The following DDX19A variants were observed in gnomAD, a reference collection of about 807,000 sequenced individuals.
DDX19A encodes ATP-dependent RNA helicase DDX19A.
DDX19A carries 12 observed loss-of-function variants against 60.6 expected under a neutral mutation model. The observed-to-expected ratio is 0.20, with a 90% CI of 0.13 to 0.32. The LOEUF is 0.32. DDX19A is among the 10% of genes least tolerant of loss of function. The pLI is 1.00. For missense variants in DDX19A, 337 were observed against 600.6 expected (o/e 0.56, Z 4.59); for synonymous variants, 206 against 218.2 (o/e 0.94, Z 0.49).
chr16:70,371,211 G>A lies in DDX19A; in HGVS notation c.1184-161G>A. The A allele has an allele frequency of 2.4e-6, 3 of 1,257,378 alleles. No homozygotes were observed. In the African/African-American group the frequency reaches 4.5e-5, roughly 19 times the overall value. The allele number at this position is 1,257,378 out of a possible 1,614,324, so 77.9% of individuals were successfully genotyped here. On this transcript the variant is annotated intron_variant, in intron 10 of 11. Coordinates refer to ENST00000302243, the MANE Select transcript of DDX19A (RefSeq NM_018332.5). ...GTTCTCTTCTTTTCCTCTGGGTTCT[G>A]TTGCCTGCCTATATGTGTGCCCTCT...
At chr16:70,365,166 G>T in intron 7 of DDX19A, 35 bp downstream of exon 7, 1 of 1,451,412 alleles carries the variant, frequency 6.9e-7, no homozygotes, top group Non-Finnish European at 9.7e-7. Context: ...ACAGTGAGCA[G>T]GGTAGGGGGT....
chr16:70,357,606 G>A (rs1383373467), intron 4 of DDX19A, among the ~76,000 whole-genome samples: 2 of 151,432 alleles, frequency 1.3e-5, no homozygotes, highest in South Asian at 2.1e-4. Flanking sequence ...GGCTGGTCTC[G>A]AATTCCTGAT....
intron 5 of DDX19A, chr16:70,364,223 C>T (rs1964453908): frequency 9.0e-6 from 2 of 222,744 alleles, no homozygotes; most frequent in Admixed American, 1.1e-4. Context: ...GGGGTCTTGT[C>T]TGGGCACAGA....
intron 1 of DDX19A, 125 bp from the exon 2 acceptor site, chr16:70,350,432 C>T (rs1963975952): frequency 5.1e-6 from 3 of 584,732 alleles, no homozygotes; most frequent in South Asian, 4.8e-5. Flanking sequence ...GGGAACAAAC[C>T]GACTCCCTGA....
intron 7 of DDX19A, 48 bp downstream of exon 7, chr16:70,365,179 G>A (rs754741041): frequency 2.2e-6 from 3 of 1,367,492 alleles, no homozygotes; most frequent in Middle Eastern, 1.8e-4. Flanking sequence ...TAGGGGGTTG[G>A]GCGTTTGAAT....
At position 70,346,980 on chromosome 16, in the gene DDX19A, T is replaced by C; in HGVS notation, c.-12T>C. 6.2e-7 allele frequency: 1 copy of C among 1,611,504 alleles called. No individual in the cohort carries two copies. The highest frequency in any genetic ancestry group is 8.5e-7 in the Non-Finnish European group (1 of 1,179,372). On this transcript the variant is annotated 5_prime_UTR_variant, in exon 1 of 12. Coordinates refer to ENST00000302243, the MANE Select transcript of DDX19A (RefSeq NM_018332.5). ...GCATATTTTCACAAGTGGGTCTCCCTTGTCCGGGACTATGGCCACCGACTC... is the reference window on the plus strand; with the variant it reads ...GCATATTTTCACAAGTGGGTCTCCCCTGTCCGGGACTATGGCCACCGACTC...
chr16:70,362,574 C>G (rs1964398532), intron 5 of DDX19A, among the ~76,000 whole-genome samples: 1 of 152,052 alleles, frequency 6.6e-6, no homozygotes, highest in South Asian at 2.1e-4. Context: ...TTCTCCCACC[C>G]TGACAAGACT....
intron 5 of DDX19A, chr16:70,364,323 T>C: frequency 2.0e-6 from 1 of 512,046 alleles, no homozygotes; most frequent in Non-Finnish European, 3.5e-6. Context: ...GAGAATTTCT[T>C]GGTGTGAGCC....
chr16:70,350,352 C>T (rs1963973844), intron 1 of DDX19A, among the ~76,000 whole-genome samples: 1 of 152,142 alleles, frequency 6.6e-6, no homozygotes, highest in Admixed American at 6.6e-5. Context: ...CCACCCCTCC[C>T]CTTGTTTTAA....
At chr16:70,358,341 A>G (rs1005249156) in intron 4 of DDX19A, among the ~76,000 whole-genome samples, 1 of 151,878 alleles carries the variant, frequency 6.6e-6, no homozygotes, top group Non-Finnish European at 1.5e-5. Context: ...TTATTTTTTT[A>G]TTTTTAAAAA....
rs71151183 is a variant in DDX19A, at chr16:70,357,366, GTTTTTTTTTTTTTTT to G, written c.293+1141_293+1155del. On this transcript the variant is annotated intron_variant, in intron 4 of 11. Transcript: ENST00000302243. ...AATCTGTCAAATCTGTTTTTGGTTT[GTTTTTTTTTTTTTTT>G]TTTTTTTTTTTTTTTTTTTTTGAGA... Among the ~76,000 whole-genome samples the G allele has an allele frequency of 5.2e-4, 23 of 44,576 alleles. No homozygotes were observed. The South Asian group carries it at 5.9e-3, about 11-fold the overall frequency. 29.2% of individuals were successfully genotyped at this position (44,576 alleles called of 152,430 possible). A position where few individuals can be genotyped will look rare whatever the true frequency, so the allele number is the denominator to read the frequency against.
chr16:70,358,215 G>C (rs139631108), intron 4 of DDX19A, among the ~76,000 whole-genome samples: 10,679 of 151,976 alleles, frequency 0.07, 1,243 homozygotes, highest in African/African-American at 0.24. Flanking sequence ...ATTTTTAGTA[G>C]AGACAGCGTT....
chr16:70,362,929 G>A (rs572516590), intron 5 of DDX19A, among the ~76,000 whole-genome samples: 10 of 150,492 alleles, frequency 6.6e-5, no homozygotes, highest in Non-Finnish European at 1.3e-4. Flanking sequence ...TGGGAGGATC[G>A]CTTGAACCCA....
intron 1 of DDX19A, chr16:70,348,124 C>A: frequency 3.7e-6 from 1 of 267,662 alleles, no homozygotes; most frequent in South Asian, 2.9e-5. Context: ...CTGATAGCCC[C>A]GAGATAGAGG....
intron 5 of DDX19A, 183 bp from the exon 6 acceptor site, chr16:70,364,360 A>G (rs1964456828): frequency 1.4e-5 from 8 of 585,466 alleles, no homozygotes; most frequent in South Asian, 6.4e-5. Flanking sequence ...TTATTTTACA[A>G]TTTAAGCAGC....
At position 70,366,141 on chromosome 16, in the gene DDX19A, C is replaced by T; in HGVS notation, c.661C>T (p.Leu221=). 1 of 1,614,158 alleles carries T rather than the reference C, an allele frequency of 6.2e-7. No homozygotes were observed. Among genetic ancestry groups the T allele is most frequent in the Non-Finnish European group, 8.5e-7 (1 of 1,180,026 alleles). The change falls in exon 8 of 12, where the codon CTG becomes TTG. Residue 221 remains leucine (L), a synonymous_variant. Coordinates refer to ENST00000302243, the MANE Select transcript of DDX19A (RefSeq NM_018332.5). ...TGTCATTGGCACCCCTGGGACCGTG[C>T]TGGACTGGTGCTCCAAGCTCAAGTT... ...QIVIGTPGTV[L]DWCSKLKFID...
chr16:70,354,683 CA>C (rs35921329), intron 2 of DDX19A, among the ~76,000 whole-genome samples: 44,406 of 152,084 alleles, frequency 0.29, 8,008 homozygotes, highest in Non-Finnish European at 0.39. Flanking sequence ...TAGTTCATGC[CA>C]GTAATCCTAG....
At chr16:70,369,974 C>T (rs910346663) in intron 9 of DDX19A, among the ~76,000 whole-genome samples, 1 of 152,020 alleles carries the variant, frequency 6.6e-6, no homozygotes, top group African/African-American at 2.4e-5. Flanking sequence ...TGCACTATAT[C>T]GGGTTTACAA....
chr16:70,372,149 C>A lies in DDX19A; in HGVS notation c.*163C>A. The A allele has an allele frequency of 8.4e-7, 1 of 1,190,590 alleles. No homozygotes were observed. Among genetic ancestry groups the A allele is most frequent in the Non-Finnish European group, 1.2e-6 (1 of 836,682 alleles). The allele number at this position is 1,190,590 out of a possible 1,614,324, so 73.8% of individuals were successfully genotyped here. ...TGTTTGGACTTGACAAAAATAGGTG[C>A]AAATGATGGGGGGCAATAGAAGAAA... On this transcript the variant is annotated 3_prime_UTR_variant, in exon 12 of 12. Coordinates refer to ENST00000302243, the MANE Select transcript of DDX19A (RefSeq NM_018332.5).
Sources: allele counts gnomAD v4.1 joint callset (sites outside exome capture counted in the v4.1 genomes callset), GRCh38; gene constraint gnomAD v4.1.1; transcripts MANE v1.5; gene names NCBI Gene and HGNC (gene_info 2026-07-23, HGNC 2026-07-21).